The following HHAT variants were observed in gnomAD, a reference collection of about 807,000 sequenced individuals.
HHAT encodes protein-cysteine N-palmitoyltransferase HHAT.
HHAT carries 47 observed loss-of-function variants against 70.8 expected under a neutral mutation model. The observed-to-expected ratio is 0.66, with a 90% CI of 0.53 to 0.85. The LOEUF (loss-of-function observed/expected upper bound fraction) is 0.85. Among genes scored for constraint, HHAT ranks in the 40% least tolerant of loss-of-function variants. The pLI is 0.00. For missense variants in HHAT, 609 were observed against 604.8 expected (o/e 1.01, Z -0.07); for synonymous variants, 228 against 247.6 (o/e 0.92, Z 0.74).
At chr1:210,484,397 G>A (rs550288604) in intron 8 of HHAT, among the ~76,000 whole-genome samples, 5 of 152,196 alleles carry the variant, frequency 3.3e-5, no homozygotes, top group African/African-American at 9.6e-5. Flanking sequence ...TATGTCATCT[G>A]GAGGGACACC....
At chr1:210,458,589 A>G (rs1020603837) in intron 7 of HHAT, among the ~76,000 whole-genome samples, 2 of 152,182 alleles carry the variant, frequency 1.3e-5, no homozygotes, top group African/African-American at 4.8e-5. Context: ...GTTTTGACAG[A>G]CAAAATGGAG....
At position 210,539,776 on chromosome 1, in the gene HHAT, TGCCTTTTTTGTGCTCACGAA is replaced by T. The variant is rs563450211; in HGVS notation, c.1043+26592_1043+26611del. On this transcript the variant is annotated intron_variant, in intron 9 of 11. Transcript: ENST00000261458. ...CACAGAGACAGGGCAGCTGTTTCAG[TGCCTTTTTTGTGCTCACGAA>T]GCCCTGTCATCCTTTGAATTTTGTC... 1.2e-4 allele frequency among the ~76,000 whole-genome samples: 19 copies of T among 152,262 alleles called. No individual in the cohort carries two copies. In the South Asian group the frequency reaches 3.3e-3, roughly 27 times the overall value.
chr1:210,335,810 CAA>C (rs1200697960), intron 1 of HHAT, among the ~76,000 whole-genome samples: 4 of 152,132 alleles, frequency 2.6e-5, no homozygotes, highest in Non-Finnish European at 5.9e-5. Context: ...AACGCTAAAA[CAA>C]AGCACCTGGA....
Position 210,478,318 on chromosome 1 carries a change from C to T in HHAT, c.1007+13663C>T, listed in dbSNP as rs368213457. Among the ~76,000 whole-genome samples, 53 of 152,316 alleles carry T rather than the reference C, an allele frequency of 3.5e-4. No homozygotes were observed. In the South Asian group the frequency reaches 9.1e-3, roughly 26 times the overall value. ...TGCCAATATTTGCCTTTGGCTCAAT[C>T]ATGATCAACTAAAATGTGGCCTAGG... On this transcript the variant is annotated intron_variant, in intron 8 of 11. Transcript: ENST00000261458.
chr1:210,388,475 G>A (rs1391777691), intron 4 of HHAT, among the ~76,000 whole-genome samples: 2 of 152,028 alleles, frequency 1.3e-5, no homozygotes, highest in Non-Finnish European at 2.9e-5. Context: ...GAAAATTGGC[G>A]TTTCCTGGGC....
chr1:210,335,318 G>GAAAAAAA, intron 1 of HHAT, among the ~76,000 whole-genome samples: 1 of 145,700 alleles, frequency 6.9e-6, no homozygotes. Context: ...CATTCATGAT[G>GAAAAAAA]AAAAAAAAAA....
rs571178066 is a variant in HHAT, at chr1:210,625,421, C to T, written c.1390+1751C>T. Among the ~76,000 whole-genome samples, 11 of 152,146 alleles carry T rather than the reference C, an allele frequency of 7.2e-5. No individual in the cohort carries two copies. The South Asian group carries it at 1.0e-3, about 14-fold the overall frequency. Reference sequence around the variant, plus strand: ...AAATGCATTGGATGTTTGCTACTTGCGAGGCACTGAGAACACAGAGATGAA... The same window carrying T: ...AAATGCATTGGATGTTTGCTACTTGTGAGGCACTGAGAACACAGAGATGAA... On this transcript the variant is annotated intron_variant, in intron 11 of 11. Transcript: ENST00000261458.
intron 9 of HHAT, among the ~76,000 whole-genome samples, chr1:210,574,123 C>T (rs1465557466): frequency 6.6e-6 from 1 of 152,142 alleles, no homozygotes; most frequent in Non-Finnish European, 1.5e-5. Context: ...TAAAGAGCAG[C>T]ATATCAGCAA....
intron 11 of HHAT, among the ~76,000 whole-genome samples, chr1:210,647,999 GC>G (rs1330436754): frequency 2.0e-5 from 3 of 152,106 alleles, no homozygotes; most frequent in Admixed American, 6.5e-5. Flanking sequence ...CAGCTTTCAA[GC>G]CCCACCCCTC....
chr1:210,583,934 T>C (rs745370205), intron 9 of HHAT, among the ~76,000 whole-genome samples: 12 of 147,542 alleles, frequency 8.1e-5, no homozygotes, highest in African/African-American at 2.5e-4. Context: ...TTCTGACATA[T>C]ACAGTGCAGC....
chr1:210,403,126 C>T (rs923623109), intron 5 of HHAT, among the ~76,000 whole-genome samples: 1 of 152,250 alleles, frequency 6.6e-6, no homozygotes, highest in East Asian at 1.9e-4. Flanking sequence ...TTTTAGTCTA[C>T]CTTCATTTTT....
chr1:210,400,620 C>T lies in HHAT; in HGVS notation c.426C>T (p.Leu142=). ...SQLLTWLCSL[L]LLSTLRLQGV... ...TCCTGACGTGGCTCTGTTCTCTCCT[C>T]CTCCTCTCCACACTGAGGCTGCAGG... is the stretch of plus-strand genomic sequence containing the variant. Residue 142 remains leucine (L), a synonymous_variant, in exon 5 of 12, where the codon CTC becomes CTT. Coordinates refer to ENST00000261458, the MANE Select transcript of HHAT (RefSeq NM_018194.6). 3.7e-6 allele frequency: 6 copies of T among 1,614,086 alleles called. No individual in the cohort carries two copies. The highest frequency in any genetic ancestry group is 3.4e-6 in the Non-Finnish European group (4 of 1,180,000).
At position 210,530,661 on chromosome 1, in the gene HHAT, G is replaced by A. The variant is rs75476711; in HGVS notation, c.1043+17473G>A. On this transcript the variant is annotated intron_variant, in intron 9 of 11. Transcript: ENST00000261458. The stretch of plus-strand genomic sequence containing the variant: ...CAGACTTTGCACGGACTTGAGTGAT[G>A]TCTGAGATAGATGGCTCTGGATCCT... Among the ~76,000 whole-genome samples the A allele has an allele frequency of 2.2e-3, 341 of 152,274 alleles. 1 individual carries two copies. Among genetic ancestry groups the A allele is most frequent in the African/African-American group, 7.6e-3 (317 of 41,550 alleles).
intron 9 of HHAT, among the ~76,000 whole-genome samples, chr1:210,518,715 C>CCTGG (rs1459886273): frequency 6.6e-6 from 1 of 152,072 alleles, no homozygotes; most frequent in African/African-American, 2.4e-5. Context: ...ATCTTTTGAA[C>CCTGG]CTGGGAGGCG....
At chr1:210,389,349 G>A (rs1358034442) in intron 4 of HHAT, among the ~76,000 whole-genome samples, 2 of 152,194 alleles carry the variant, frequency 1.3e-5, no homozygotes, top group East Asian at 3.8e-4. Flanking sequence ...GAGCATGATA[G>A]CTCAGGTCTC....
At chr1:210,410,177 C>T (rs919805744) in intron 6 of HHAT, among the ~76,000 whole-genome samples, 4 of 151,856 alleles carry the variant, frequency 2.6e-5, no homozygotes, top group African/African-American at 4.8e-5. Flanking sequence ...CTCAGCCTCC[C>T]GAGTAGCTGG....
chr1:210,673,490 C>G (rs1378712731), intron 11 of HHAT, among the ~76,000 whole-genome samples: 7 of 151,312 alleles, frequency 4.6e-5, no homozygotes. Flanking sequence ...GGAACATGAC[C>G]TACATGTTTA....
intron 9 of HHAT, among the ~76,000 whole-genome samples, chr1:210,580,494 C>G (rs1472132943): frequency 8.1e-6 from 1 of 123,684 alleles, no homozygotes; most frequent in Non-Finnish European, 1.7e-5. Flanking sequence ...TCCCCCCACC[C>G]CCCACCCCCC....
At chr1:210,466,855 C>A (rs533648979) in intron 8 of HHAT, among the ~76,000 whole-genome samples, 1 of 152,226 alleles carries the variant, frequency 6.6e-6, no homozygotes, top group Non-Finnish European at 1.5e-5. Context: ...TTGTCACTGT[C>A]TTGATTAGAA....
Sources: allele counts gnomAD v4.1 joint callset (sites outside exome capture counted in the v4.1 genomes callset), GRCh38; gene constraint gnomAD v4.1.1; transcripts MANE v1.5; gene names NCBI Gene and HGNC (gene_info 2026-07-23, HGNC 2026-07-21).